Variants in PLA2G5 observed in about 807,000 individuals in gnomAD.
The protein encoded by PLA2G5 is Ca2+-dependent phospholipase A2.
Under a neutral mutation model 15.9 loss-of-function variants are expected in PLA2G5, and 12 were observed. The ratio of observed to expected loss-of-function variants is 0.76; its 90% CI spans 0.48 to 1.23. The LOEUF (loss-of-function observed/expected upper bound fraction) is 1.23. PLA2G5 is among the 50% of genes most tolerant of loss of function. PLA2G5 has a pLI of 0.00. For synonymous variants in PLA2G5, 71 were observed against 71.4 expected (o/e 0.99, Z 0.03); for missense variants, 169 against 177.1 (o/e 0.95, Z 0.26).
intron 1 of PLA2G5, among the ~76,000 whole-genome samples, chr1:20,037,119 T>TA (rs1437979948): frequency 3.3e-5 from 5 of 152,210 alleles, no homozygotes; most frequent in Non-Finnish European, 5.9e-5. Context: ...ATGGGGGTGT[T>TA]AAAGAACCTT....
At chr1:20,030,176 G>A (rs1020875110) in intron 1 of PLA2G5, among the ~76,000 whole-genome samples, 2 of 151,966 alleles carry the variant, frequency 1.3e-5, no homozygotes, top group Non-Finnish European at 2.9e-5. Flanking sequence ...ACCAGCGCTG[G>A]CACTGGTCTC....
chr1:20,032,353 GT>G (rs71010528), intron 1 of PLA2G5, among the ~76,000 whole-genome samples: 5,943 of 144,802 alleles, frequency 0.041, 159 homozygotes, highest in Middle Eastern at 0.12. Flanking sequence ...TGTGTGTGTG[GT>G]TTTTTTTTTT....
At chr1:20,087,479 C>T (rs775539176) in intron 3 of PLA2G5, among the ~76,000 whole-genome samples, 3 of 152,014 alleles carry the variant, frequency 2.0e-5, no homozygotes, top group South Asian at 2.1e-4. Flanking sequence ...CTGCAAGCTC[C>T]GCCTCCTGGG....
upstream of PLA2G5, chr1:20,070,181 C>T (rs668630): frequency 1.0e-6 from 1 of 984,504 alleles, no homozygotes; most frequent in African/African-American, 1.7e-5. Flanking sequence ...GGACTTCCTG[C>T]CTCTGCAAAG....
intron 2 of PLA2G5, among the ~76,000 whole-genome samples, chr1:20,060,062 G>A (rs2014630951): frequency 2.6e-5 from 4 of 151,994 alleles, no homozygotes; most frequent in Admixed American, 2.6e-4. Context: ...AGTGAGAAAA[G>A]CCCAGCCCAG....
rs2016280180 is a variant in PLA2G5 at position 20,086,183 on chromosome 1, C to T, written c.141C>T (p.Tyr47=). ...CAAACTACGGCTTCTACGGCTGTTA[C>T]TGCGGCTGGGGCGGCCGAGGAACCC... ...ALTNYGFYGC[Y]CGWGGRGTPK... The change falls in exon 3 of 5, where the codon TAC becomes TAT. Residue 47 remains tyrosine, a synonymous_variant. Transcript: ENST00000375108. The T allele has an allele frequency of 2.5e-6, 4 of 1,614,134 alleles. No individual in the cohort carries two copies.
intron 1 of PLA2G5, chr1:20,046,223 CAGCG>C (rs1398085873): frequency 6.6e-6 from 1 of 152,156 alleles, no homozygotes; most frequent in Non-Finnish European, 1.5e-5. Context: ...TTAGAGTGCT[CAGCG>C]ATCATATTGT....
At chr1:20,035,954 A>C (rs931045887) in intron 1 of PLA2G5, among the ~76,000 whole-genome samples, 1 of 152,180 alleles carries the variant, frequency 6.6e-6, no homozygotes, top group Non-Finnish European at 1.5e-5. Flanking sequence ...TTCTCTCAGC[A>C]TTTGTTTGTC....
chr1:20,053,212 T>G (rs1413155433), intron 1 of PLA2G5, among the ~76,000 whole-genome samples: 1 of 152,220 alleles, frequency 6.6e-6, no homozygotes, highest in African/African-American at 2.4e-5. Context: ...AGCCTTCTCT[T>G]TTTCAATTTA....
chr1:20,042,622 T>C (rs756573977), intron 1 of PLA2G5, among the ~76,000 whole-genome samples: 3 of 152,108 alleles, frequency 2.0e-5, no homozygotes, highest in Non-Finnish European at 4.4e-5. Flanking sequence ...TTAGGATCTA[T>C]GGGGTCAGCT....
At chr1:20,031,228 G>A (rs818676) in intron 1 of PLA2G5, among the ~76,000 whole-genome samples, 27,505 of 152,124 alleles carry the variant, frequency 0.18, 2,563 homozygotes, top group African/African-American at 0.21. Context: ...GACCGGGTTC[G>A]TGTGGTTAGA....
At chr1:20,068,226 A>C (rs1189875534), upstream of PLA2G5, among the ~76,000 whole-genome samples, 1 of 152,238 alleles carries the variant, frequency 6.6e-6, no homozygotes. Flanking sequence ...CTTACGGGTA[A>C]ATAAAACTAA....
chr1:20,043,861 G>A lies in PLA2G5; in HGVS notation n.276+15152G>A, dbSNP rs1366313231. Among the ~76,000 whole-genome samples the A allele has an allele frequency of 4.6e-5, 7 of 152,138 alleles. No individual in the cohort carries two copies. The East Asian group carries it at 5.8e-4, about 13-fold the overall frequency. Reference sequence around the variant, plus strand: ...CCCCCATATCAATTAAGCAGGGGACGGACTTACCCTCCACTGTGAGAGTTA... The same window carrying A: ...CCCCCATATCAATTAAGCAGGGGACAGACTTACCCTCCACTGTGAGAGTTA... On this transcript the variant is annotated intron_variant and non_coding_transcript_variant, in intron 1 of 6. Transcript: ENST00000460175.
intron 1 of PLA2G5, among the ~76,000 whole-genome samples, chr1:20,075,872 T>C (rs2015638992): frequency 7.0e-6 from 1 of 142,764 alleles, no homozygotes; most frequent in Admixed American, 6.8e-5. Context: ...CTTTCTCTTT[T>C]TTTTTTTTTT....
intron 1 of PLA2G5, among the ~76,000 whole-genome samples, chr1:20,055,910 G>A (rs2014407433): frequency 6.6e-6 from 1 of 152,118 alleles, no homozygotes; most frequent in African/African-American, 2.4e-5. Flanking sequence ...ACTAGTTTGG[G>A]GATCAGAGAA....
At chr1:20,030,996 C>T (rs958934945) in intron 1 of PLA2G5, among the ~76,000 whole-genome samples, 1 of 152,188 alleles carries the variant, frequency 6.6e-6, no homozygotes. Context: ...ACAGTCTGAT[C>T]TCTCTTTCTT....
intron 1 of PLA2G5, among the ~76,000 whole-genome samples, chr1:20,053,269 T>C (rs1283460169): frequency 1.3e-5 from 2 of 152,212 alleles, no homozygotes; most frequent in Non-Finnish European, 2.9e-5. Context: ...ACATTTTTAC[T>C]TATTTGTTCA....
In PLA2G5 at chr1:20,070,360, C is replaced by T. The variant is rs1309372811; in HGVS notation, c.-116C>T. The T allele has an allele frequency of 3.0e-6, 3 of 985,364 alleles. No individual in the cohort carries two copies. The highest frequency in any genetic ancestry group is 3.6e-6 in the Non-Finnish European group (3 of 829,972). The allele number at this position is 985,364 out of a possible 1,614,324, so 61.0% of individuals were successfully genotyped here. ...CCATGGTCTGTGGATACCAATGTTC[C>T]GACTGGAGACGGGGAGCCCGCGAGA... On this transcript the variant is annotated 5_prime_UTR_variant, in exon 1 of 5. It introduces an in-frame stop codon into an upstream open reading frame of the 5' UTR. Transcript: ENST00000375108.
chr1:20,053,283 G>A (rs765814350), intron 1 of PLA2G5, among the ~76,000 whole-genome samples: 33 of 152,018 alleles, frequency 2.2e-4, no homozygotes, highest in Non-Finnish European at 3.7e-4. Flanking sequence ...TTGTTCAATT[G>A]TAGTACAAAT....
Sources: gnomAD v4.1 joint callset for allele counts (sites outside exome capture counted in the v4.1 genomes callset) on GRCh38, gnomAD v4.1.1 for gene constraint, MANE v1.5 for transcripts, NCBI Gene and HGNC (gene_info 2026-07-23, HGNC 2026-07-21) for gene names.